The following FHIT variants were observed in gnomAD, a reference collection of about 807,000 sequenced individuals.
FHIT encodes fragile histidine triad diadenosine triphosphatase.
FHIT carries 19 observed loss-of-function variants against 17.9 expected under a neutral mutation model. The ratio of observed to expected loss-of-function variants is 1.06; its 90% confidence interval spans 0.74 to 1.56. FHIT has a LOEUF of 1.56. FHIT is among the 40% of genes most tolerant of loss of function. The pLI, the probability that FHIT is intolerant of heterozygous loss-of-function variation, is 0.00. For synonymous variants in FHIT, 81 were observed against 69.7 expected (o/e 1.16, Z -0.81); for missense variants, 248 against 189.2 (o/e 1.31, Z -1.82).
chr3:61,222,860 C>T (rs912128125), intron 1 of FHIT, among the ~76,000 whole-genome samples: 6 of 152,130 alleles, frequency 3.9e-5, no homozygotes, highest in Non-Finnish European at 7.3e-5. Context: ...ACAGACTTAG[C>T]GCTAGCAGTG....
At chr3:59,876,264 G>A (rs1461397767) in intron 8 of FHIT, among the ~76,000 whole-genome samples, 2 of 152,104 alleles carry the variant, frequency 1.3e-5, no homozygotes, top group Non-Finnish European at 2.9e-5. Context: ...TCTGAATAGG[G>A]AGCTATGATC....
At chr3:60,664,818 A>G (rs193018501) in intron 4 of FHIT, among the ~76,000 whole-genome samples, 20 of 150,910 alleles carry the variant, frequency 1.3e-4, no homozygotes, top group African/African-American at 4.1e-4. Context: ...CAGGATCTGT[A>G]TTTATATTTC....
At chr3:60,460,646 G>A (rs2032402933) in intron 5 of FHIT, among the ~76,000 whole-genome samples, 1 of 152,076 alleles carries the variant, frequency 6.6e-6, no homozygotes, top group Non-Finnish European at 1.5e-5. Context: ...TTTTACATGT[G>A]GGTCAGGAGG....
intron 4 of FHIT, among the ~76,000 whole-genome samples, chr3:60,717,391 T>C (rs969406838): frequency 1.3e-5 from 2 of 152,162 alleles, no homozygotes; most frequent in Non-Finnish European, 2.9e-5. Context: ...TAGCAATGTA[T>C]ACATATATCA....
chr3:59,948,072 C>T (rs929728864), intron 7 of FHIT, among the ~76,000 whole-genome samples: 2 of 152,048 alleles, frequency 1.3e-5, no homozygotes, highest in Admixed American at 1.3e-4. Context: ...TGACTGTGTC[C>T]AGTTTTCAGC....
chr3:59,962,245 C>A (rs897009850), intron 7 of FHIT, among the ~76,000 whole-genome samples: 28 of 152,298 alleles, frequency 1.8e-4, no homozygotes, highest in African/African-American at 4.8e-4. Flanking sequence ...ATATAATCAG[C>A]CTTCTGTTTT....
At chr3:59,811,029 C>A (rs1003259815) in intron 8 of FHIT, among the ~76,000 whole-genome samples, 2 of 152,236 alleles carry the variant, frequency 1.3e-5, no homozygotes, top group African/African-American at 4.8e-5. Context: ...CAAAGTGGAA[C>A]TGTTGTCACA....
chr3:59,865,199 G>C (rs1415206121), intron 8 of FHIT, among the ~76,000 whole-genome samples: 1 of 152,170 alleles, frequency 6.6e-6, no homozygotes, highest in Non-Finnish European at 1.5e-5. Flanking sequence ...AAACTTAAAA[G>C]CATAAAAAAT....
intron 5 of FHIT, among the ~76,000 whole-genome samples, chr3:60,059,221 T>C (rs1702206281): frequency 6.6e-6 from 1 of 152,104 alleles, no homozygotes; most frequent in Non-Finnish European, 1.5e-5. Context: ...TAATCAGCAG[T>C]TTTCAGGAGT....
chr3:59,830,246 A>G (rs1425688816), intron 8 of FHIT, among the ~76,000 whole-genome samples: 1 of 152,246 alleles, frequency 6.6e-6, no homozygotes, highest in African/African-American at 2.4e-5. Context: ...AATGCTGAGT[A>G]CAAATATTTA....
chr3:61,202,240 T>A (rs2039043371), intron 1 of FHIT, among the ~76,000 whole-genome samples: 1 of 148,282 alleles, frequency 6.7e-6, no homozygotes, highest in South Asian at 2.2e-4. Context: ...GAGGAGCGCC[T>A]CTGCCCGGCC....
intron 5 of FHIT, among the ~76,000 whole-genome samples, chr3:60,196,471 C>G (rs1184040673): frequency 6.6e-6 from 1 of 152,108 alleles, no homozygotes; most frequent in Non-Finnish European, 1.5e-5. Flanking sequence ...TTGGACCTAC[C>G]TGAATAATAC....
chr3:60,565,899 G>C (rs1192639341), intron 4 of FHIT, among the ~76,000 whole-genome samples: 2 of 152,126 alleles, frequency 1.3e-5, no homozygotes, highest in African/African-American at 2.4e-5. Context: ...TGGGCATTTA[G>C]TGCTATAAAT....
At chr3:60,309,699 C>A (rs1189458928) in intron 5 of FHIT, among the ~76,000 whole-genome samples, 1 of 152,056 alleles carries the variant, frequency 6.6e-6, no homozygotes, top group African/African-American at 2.4e-5. Context: ...TTCTGCAAAC[C>A]ATCTGAGATC....
intron 3 of FHIT, among the ~76,000 whole-genome samples, chr3:60,908,828 C>T (rs986700194): frequency 1.8e-4 from 28 of 152,056 alleles, no homozygotes; most frequent in Admixed American, 1.6e-3. Context: ...CAGAGCCATT[C>T]ACTCAATCAT....
intron 7 of FHIT, among the ~76,000 whole-genome samples, chr3:60,002,478 T>C (rs1221942548): frequency 6.6e-6 from 1 of 152,182 alleles, no homozygotes; most frequent in Non-Finnish European, 1.5e-5. Context: ...CATGGGAAGT[T>C]AAAATTTCAA....
At chr3:60,275,303 C>T (rs1204013288) in intron 5 of FHIT, among the ~76,000 whole-genome samples, 3 of 151,902 alleles carry the variant, frequency 2.0e-5, no homozygotes, top group African/African-American at 7.3e-5. Context: ...GGGCTTATTT[C>T]AAGACCCTCT....
intron 7 of FHIT, among the ~76,000 whole-genome samples, chr3:59,985,754 A>C (rs1708869113): frequency 6.6e-6 from 1 of 152,146 alleles, no homozygotes; most frequent in African/African-American, 2.4e-5. Flanking sequence ...CATGCCCTTA[A>C]GAGACATTAT....
At chr3:60,166,921 G>A (rs1191659586) in intron 5 of FHIT, among the ~76,000 whole-genome samples, 1 of 152,094 alleles carries the variant, frequency 6.6e-6, no homozygotes, top group Non-Finnish European at 1.5e-5. Context: ...CCAAGATAGG[G>A]CAGCTTGACC....
Sources: allele counts gnomAD v4.1 joint callset (sites outside exome capture counted in the v4.1 genomes callset), GRCh38; gene constraint gnomAD v4.1.1; transcripts MANE v1.5; gene names NCBI Gene and HGNC (gene_info 2026-07-23, HGNC 2026-07-21).